The following CALHM1 variants were observed in gnomAD, a reference collection of about 807,000 sequenced individuals.
CALHM1 encodes calcium homeostasis modulator 1, also known as calcium homeostasis modulator protein 1.
A neutral mutation model predicts 14.8 loss-of-function variants in CALHM1; 11 were observed. That is an observed-to-expected ratio of 0.74 (90% confidence interval 0.47 to 1.23). The LOEUF (loss-of-function observed/expected upper bound fraction) is 1.23. Ranked by LOEUF, CALHM1 falls within the 50% of genes most tolerant of loss-of-function variation. CALHM1 has a pLI of 0.00. For synonymous variants in CALHM1, 215 were observed against 218.9 expected, an observed-to-expected ratio of 0.98 and a Z score of 0.16; for missense variants, 458 against 496.4, an observed-to-expected ratio of 0.92 and a Z score of 0.74.
chr10:103,456,955 A>G lies in CALHM1; in HGVS notation c.556-1208T>C, dbSNP rs556323833. ...AGGCATGTGCCACCAAGCCTGGCTAATTTTTTTCTTTTCTTTTCTTTTTTG... is the reference window on the plus strand; with the variant it reads ...AGGCATGTGCCACCAAGCCTGGCTAGTTTTTTTCTTTTCTTTTCTTTTTTG... On this transcript the variant is annotated intron_variant, in intron 1 of 1. Coordinates refer to ENST00000329905, the MANE Select transcript of CALHM1 (RefSeq NM_001001412.4). Among the ~76,000 whole-genome samples the G allele has an allele frequency of 4.6e-5, 7 of 152,058 alleles. No homozygotes were observed. In the East Asian group the frequency reaches 1.4e-3, roughly 29 times the overall value.
rs1179611378 is a variant in CALHM1 at position 103,455,128 on chromosome 10, C to G, written c.*134G>C. On this transcript the variant is annotated 3_prime_UTR_variant, in exon 2 of 2. Coordinates refer to ENST00000329905, the MANE Select transcript of CALHM1 (RefSeq NM_001001412.4). Reference sequence around the variant, plus strand: ...AAATTTCCTGCCTCCAATGGGCAGGCGAGTGCTAGGGAGTGTGGATCTGCC... The same window carrying G: ...AAATTTCCTGCCTCCAATGGGCAGGGGAGTGCTAGGGAGTGTGGATCTGCC... 3.1e-6 allele frequency: 4 copies of G among 1,305,212 alleles called. No homozygotes were observed. The South Asian group carries it at 6.2e-5, about 20-fold the overall frequency. 80.9% of individuals were successfully genotyped at this position (1,305,212 alleles called of 1,614,324 possible). A position where few individuals can be genotyped will look rare whatever the true frequency, so the allele number is the denominator to read the frequency against.
chr10:103,458,079 C>A lies in CALHM1; in HGVS notation c.555+118G>T, dbSNP rs951873056. ...CAGCCTCAGTTGGGAAGATGCCCCC[C>A]ACACCTCGGAGCTCCACCTGAGCAG... is the stretch of plus-strand genomic sequence containing the variant. On this transcript the variant is annotated intron_variant, in intron 1 of 1. Transcript: ENST00000329905. The surrounding 1 kb of genome is among the most constrained non-coding windows in gnomAD (Gnocchi z 4.9). 1 of 1,231,584 alleles carries A rather than the reference C, an allele frequency of 8.1e-7. No individual in the cohort carries two copies. Among genetic ancestry groups the A allele is most frequent in the East Asian group, 2.3e-5 (1 of 42,816 alleles). 76.3% of individuals were successfully genotyped at this position (1,231,584 alleles called of 1,614,324 possible). A position where few individuals can be genotyped will look rare whatever the true frequency, so the allele number is the denominator to read the frequency against.
In CALHM1 at chr10:103,455,684, GC is replaced by G. The variant is rs780756964; in HGVS notation, c.618del (p.Cys208AlafsTer47). 1 of 1,613,306 alleles carries G rather than the reference GC, an allele frequency of 6.2e-7. No individual in the cohort carries two copies. The highest frequency in any genetic ancestry group is 1.1e-5 in the South Asian group (1 of 91,088). ...TLLAFVVRSV[R>X]PCFTQAAFLK... Reference sequence around the variant, plus strand: ...AGGAAGGCGGCCTGCGTGAAGCAGGGCCGCACAGAGCGCACCACGAATGCCA... The same window carrying G: ...AGGAAGGCGGCCTGCGTGAAGCAGGGCGCACAGAGCGCACCACGAATGCCA... On this transcript the variant is annotated frameshift_variant, in exon 2 of 2. Coordinates refer to ENST00000329905, the MANE Select transcript of CALHM1 (RefSeq NM_001001412.4). LOFTEE classifies it low-confidence loss of function (END_TRUNC).
At chr10:103,457,884 A>G (rs2033168828) in intron 1 of CALHM1, among the ~76,000 whole-genome samples, 1 of 152,234 alleles carries the variant, frequency 6.6e-6, no homozygotes, top group Admixed American at 6.5e-5. Flanking sequence ...GAGGGAAAGC[A>G]TGCAAATTCC....
rs1005489865 is a variant in CALHM1, at chr10:103,454,216, G to A, written c.*1046C>T. 2.0e-5 allele frequency: 3 copies of A among 152,274 alleles called. No homozygotes were observed. Among genetic ancestry groups the A allele is most frequent in the African/African-American group, 4.8e-5 (2 of 41,448 alleles). The allele number at this position is 152,274 out of a possible 1,614,324, so 9.4% of individuals were successfully genotyped here. A position where few individuals can be genotyped will look rare whatever the true frequency, so the allele number is the denominator to read the frequency against. On this transcript the variant is annotated 3_prime_UTR_variant, in exon 2 of 2. Coordinates refer to ENST00000329905, the MANE Select transcript of CALHM1 (RefSeq NM_001001412.4). ...CAACCCCATGATGGCGGGCCGGGGG[G>A]GCCTCATCCTCATTGTATAGATGAA... is the stretch of plus-strand genomic sequence containing the variant.
In CALHM1 at chr10:103,458,869, C is replaced by G. The variant is rs936706969; in HGVS notation, c.-118G>C. Reference sequence around the variant, plus strand: ...TGACTCGGGCTCTCCTGGCTGGGACCAACAGAGCTCAGAGCAGAGGCTGAG... The same window carrying G: ...TGACTCGGGCTCTCCTGGCTGGGACGAACAGAGCTCAGAGCAGAGGCTGAG... On this transcript the variant is annotated 5_prime_UTR_variant, in exon 1 of 2. Coordinates refer to ENST00000329905, the MANE Select transcript of CALHM1 (RefSeq NM_001001412.4). This position sits in a 1 kb window ranked among gnomAD's most constrained non-coding sequence, Gnocchi z 4.9. The G allele has an allele frequency of 6.0e-6, 6 of 994,534 alleles. No individual in the cohort carries two copies. The African/African-American group carries it at 9.8e-5, about 16-fold the overall frequency. 61.6% of individuals were successfully genotyped at this position (994,534 alleles called of 1,614,324 possible).
intron 1 of CALHM1, among the ~76,000 whole-genome samples, chr10:103,456,268 C>G (rs1451201972): frequency 6.6e-6 from 1 of 152,218 alleles, no homozygotes; most frequent in Non-Finnish European, 1.5e-5. Flanking sequence ...TGTGCCTCTT[C>G]TTTCAGGAAG....
intron 1 of CALHM1, among the ~76,000 whole-genome samples, chr10:103,456,441 ACT>A (rs1317027517): frequency 6.6e-6 from 1 of 152,118 alleles, no homozygotes; most frequent in Non-Finnish European, 1.5e-5. Flanking sequence ...AAGAAATCAA[ACT>A]CTGCGCTGAA....
chr10:103,455,773 G>T, intron 1 of CALHM1, 26 bp from the exon 2 acceptor site: 1 of 1,601,692 alleles, frequency 6.2e-7, no homozygotes, highest in Non-Finnish European at 8.5e-7. Flanking sequence ...AGAGAGTCAC[G>T]GGGCACTGTC....
chr10:103,458,569 G>C lies in CALHM1; in HGVS notation c.183C>G (p.Pro61=). 1 of 1,613,934 alleles carries C rather than the reference G, an allele frequency of 6.2e-7. No homozygotes were observed. Among genetic ancestry groups the C allele is most frequent in the South Asian group, 1.1e-5 (1 of 91,084 alleles). ...CCAGGCCAAGCAGAAAGAGCACCAG[G>C]GGTGGCGCCAGCAGGATGCCCGCGC... The part of the protein sequence containing the change: ...AYSAGILLAP[P]LVLFLLGLVM... Residue 61 remains proline, a synonymous_variant, in exon 1 of 2, where the codon CCC becomes CCG. Coordinates refer to ENST00000329905, the MANE Select transcript of CALHM1 (RefSeq NM_001001412.4). The surrounding 1 kb of genome is among the most constrained non-coding windows in gnomAD (Gnocchi z 4.9).
chr10:103,455,496 C>A lies in CALHM1; in HGVS notation c.807G>T (p.Thr269=). ...ELGHTHGTLA[T]APASAAAPTT... ...TGGGGGCAGCTGCGGAAGCAGGGGCCGTGGCCAGTGTCCCGTGGGTGTGAC... is the reference window on the plus strand; with the variant it reads ...TGGGGGCAGCTGCGGAAGCAGGGGCAGTGGCCAGTGTCCCGTGGGTGTGAC... The change falls in exon 2 of 2, where the codon ACG becomes ACT. Residue 269 remains threonine (T), a synonymous_variant. Transcript: ENST00000329905. The A allele has an allele frequency of 6.2e-7, 1 of 1,613,406 alleles. No homozygotes were observed. The highest frequency in any genetic ancestry group is 1.7e-5 in the Admixed American group (1 of 59,966).
Position 103,455,357 on chromosome 10 carries a change from C to A in CALHM1, c.946G>T (p.Gly316Cys), listed in dbSNP as rs2033132430. The change falls in exon 2 of 2, where the codon GGC becomes TGC. Residue 316 changes from glycine to cysteine, a missense_variant. Gly to Cys is a radical substitution (Grantham distance 159). Transcript: ENST00000329905. ...CCCATCAGCGGTGGCTCCTCCTGGC[C>A]CAGCCGCAGAGGCGGTTTGCATTTG... The part of the protein sequence containing the change: ...WHKCKPPLRL[G>C]QEEPPLMGNG... The A allele has an allele frequency of 6.2e-7, 1 of 1,613,688 alleles. No homozygotes were observed. Among genetic ancestry groups the A allele is most frequent in the Admixed American group, 1.7e-5 (1 of 60,014 alleles).
intron 1 of CALHM1, among the ~76,000 whole-genome samples, chr10:103,457,657 C>T (rs974526826): frequency 1.3e-5 from 2 of 152,122 alleles, no homozygotes; most frequent in Non-Finnish European, 2.9e-5. Flanking sequence ...CTGGGGAGGA[C>T]CCTCACTCTG....
At position 103,455,762 on chromosome 10, in the gene CALHM1, G is replaced by T; in HGVS notation, c.556-15C>A. The T allele has an allele frequency of 6.2e-7, 1 of 1,606,542 alleles. No homozygotes were observed. Among genetic ancestry groups the T allele is most frequent in the South Asian group, 1.1e-5 (1 of 90,672 alleles). On this transcript the variant is annotated splice_polypyrimidine_tract_variant and intron_variant, in intron 1 of 1. Transcript: ENST00000329905. ...CAGCCCAGCGCCTGTGGGAAGATGA[G>T]AGAGAGTCACGGGGCACTGTCCTTG... is the stretch of plus-strand genomic sequence containing the variant.
chr10:103,456,795 A>G (rs1346177345), intron 1 of CALHM1, among the ~76,000 whole-genome samples: 1 of 152,096 alleles, frequency 6.6e-6, no homozygotes, highest in African/African-American at 2.4e-5. Context: ...AATCTTATTT[A>G]CTTTTTTGTT....
Position 103,454,998 on chromosome 10 carries a change from A to C in CALHM1, c.*264T>G, listed in dbSNP as rs532418061. 1.9e-6 allele frequency: 1 copy of C among 534,148 alleles called. No homozygotes were observed. Among genetic ancestry groups the C allele is most frequent in the African/African-American group, 1.9e-5 (1 of 52,614 alleles). The allele number at this position is 534,148 out of a possible 1,614,324, so 33.1% of individuals were successfully genotyped here. ...GGAGCCATTGGTCCCTGTACCTGCC[A>C]TGACAGTTCCGACCCCTTTAGACTA... is the stretch of plus-strand genomic sequence containing the variant. On this transcript the variant is annotated 3_prime_UTR_variant, in exon 2 of 2. Coordinates refer to ENST00000329905, the MANE Select transcript of CALHM1 (RefSeq NM_001001412.4).
chr10:103,458,427 TG>T lies in CALHM1; in HGVS notation c.324del (p.Ile109SerfsTer27). On this transcript the variant is annotated frameshift_variant, in exon 1 of 2. Coordinates refer to ENST00000329905, the MANE Select transcript of CALHM1 (RefSeq NM_001001412.4). LOFTEE classifies it high-confidence loss of function. This position sits in a 1 kb window ranked among gnomAD's most constrained non-coding sequence, Gnocchi z 4.9. ...ACGGCCACCCAGACGACAGGCGCGA[TG>T]AGGGCGCGCTGGGCCATGGAGCAGA... ...YMFCSMAQRA[L>X]IAPVVWVAVT... 1 of 1,609,944 alleles carries T rather than the reference TG, an allele frequency of 6.2e-7. No individual in the cohort carries two copies. The highest frequency in any genetic ancestry group is 8.5e-7 in the Non-Finnish European group (1 of 1,177,536).
chr10:103,456,114 C>T (rs2033147719), intron 1 of CALHM1, among the ~76,000 whole-genome samples: 1 of 152,210 alleles, frequency 6.6e-6, no homozygotes, highest in Non-Finnish European at 1.5e-5. Context: ...TCAGTTTCCA[C>T]ACCTATAAAG....
chr10:103,457,846 C>T (rs1253102878), intron 1 of CALHM1, among the ~76,000 whole-genome samples: 2 of 152,272 alleles, frequency 1.3e-5, no homozygotes, highest in African/African-American at 4.8e-5. Context: ...TAGCCACCCA[C>T]TGGCCTCACC....
Sources: gnomAD v4.1 joint callset for allele counts (sites outside exome capture counted in the v4.1 genomes callset) on GRCh38, gnomAD v4.1.1 for gene constraint, Gnocchi (gnomAD v3.1) non-coding constraint, MANE v1.5 for transcripts, NCBI Gene and HGNC (gene_info 2026-07-23, HGNC 2026-07-21) for gene names.